The following FBXL17 variants were observed in gnomAD, a reference collection of about 807,000 sequenced individuals.
The protein encoded by FBXL17 is F-box/LRR-repeat protein 17.
A neutral mutation model predicts 66.2 loss-of-function variants in FBXL17; 22 were observed. The observed-to-expected ratio is 0.33, with a 90% CI of 0.24 to 0.47. The LOEUF is 0.47. Ranked by LOEUF, FBXL17 falls within the 20% of genes least tolerant of loss-of-function variation. FBXL17 has a pLI of 1.00. For synonymous variants in FBXL17, 474 were observed against 400.5 expected, an observed-to-expected ratio of 1.18 and a Z score of -2.19; for missense variants, 878 against 948.2, an observed-to-expected ratio of 0.93 and a Z score of 0.97.
chr5:107,890,681 A>AG (rs35492193), intron 7 of FBXL17, among the ~76,000 whole-genome samples: 20,247 of 150,172 alleles, frequency 0.13, 1,673 homozygotes, highest in African/African-American at 0.21. Flanking sequence ...AAAAAAAAAA[A>AG]TTGTCTAACC....
rs79672437 is a variant in FBXL17 at position 108,043,872 on chromosome 5, T to C, written c.1746-22871A>G. On this transcript the variant is annotated intron_variant, in intron 6 of 8. Transcript: ENST00000542267. The stretch of plus-strand genomic sequence containing the variant: ...TACATCTTTCCATTTATTTAGCTCT[T>C]TGATTTTCAAGGCTTGTATAATTTC... Among the ~76,000 whole-genome samples, 144 of 152,316 alleles carry C rather than the reference T, an allele frequency of 9.5e-4. 1 individual carries two copies. The South Asian group carries it at 0.014, about 14-fold the overall frequency.
chr5:107,919,360 G>A (rs1250531651), intron 7 of FBXL17, among the ~76,000 whole-genome samples: 1 of 152,078 alleles, frequency 6.6e-6, no homozygotes, highest in African/African-American at 2.4e-5. Context: ...CTGGATTACT[G>A]ATGGATCGCA....
intron 6 of FBXL17, among the ~76,000 whole-genome samples, chr5:108,087,608 G>A (rs1446536178): frequency 6.6e-6 from 1 of 151,722 alleles, no homozygotes; most frequent in Non-Finnish European, 1.5e-5. Flanking sequence ...CCCCAATCTC[G>A]ATCTCAGTGT....
At chr5:107,931,169 C>G (rs954623952) in intron 7 of FBXL17, among the ~76,000 whole-genome samples, 2 of 152,026 alleles carry the variant, frequency 1.3e-5, no homozygotes. Flanking sequence ...TTGGCCTCAA[C>G]TAGATTGACT....
At chr5:108,072,704 T>C (rs899373162) in intron 6 of FBXL17, among the ~76,000 whole-genome samples, 5 of 79,374 alleles carry the variant, frequency 6.3e-5, no homozygotes, top group Non-Finnish European at 1.5e-4. Flanking sequence ...TGAGACTCTG[T>C]CTCAAAAAAA....
chr5:107,885,896 T>G (rs1748951639), intron 7 of FBXL17, among the ~76,000 whole-genome samples: 1 of 152,080 alleles, frequency 6.6e-6, no homozygotes, highest in South Asian at 2.1e-4. Context: ...ATAGCTCTTT[T>G]TATATAGCTT....
At chr5:108,141,258 G>A (rs1414526804) in intron 6 of FBXL17, among the ~76,000 whole-genome samples, 1 of 152,074 alleles carries the variant, frequency 6.6e-6, no homozygotes, top group South Asian at 2.1e-4. Flanking sequence ...CTCAGGTCCG[G>A]TGTTTTTCCC....
intron 6 of FBXL17, among the ~76,000 whole-genome samples, chr5:108,169,519 A>G (rs1053943280): frequency 6.6e-6 from 1 of 152,202 alleles, no homozygotes; most frequent in Non-Finnish European, 1.5e-5. Context: ...AATTGTCGCC[A>G]TAAGAATGTT....
At chr5:108,161,194 A>ATACATACATACATACATACG (rs1561440664) in intron 6 of FBXL17, among the ~76,000 whole-genome samples, 1 of 142,348 alleles carries the variant, frequency 7.0e-6, no homozygotes, top group Admixed American at 7.1e-5. Context: ...ACATACATAC[A>ATACATACATACATACATACG]TACCCCAGCC....
intron 1 of FBXL17, among the ~76,000 whole-genome samples, chr5:108,376,784 TTC>T (rs1281438364): frequency 8.1e-6 from 1 of 124,190 alleles, no homozygotes; most frequent in Non-Finnish European, 1.6e-5. Flanking sequence ...CCAGTGTATA[TTC>T]TTTTTTTTTT....
At chr5:108,261,694 G>T (rs1034907801) in intron 4 of FBXL17, among the ~76,000 whole-genome samples, 1 of 117,484 alleles carries the variant, frequency 8.5e-6, no homozygotes, top group African/African-American at 2.6e-5. Context: ...AAATATACAG[G>T]ATAGAAGGGT....
At chr5:108,083,701 C>T (rs1469857994) in intron 6 of FBXL17, among the ~76,000 whole-genome samples, 1 of 151,998 alleles carries the variant, frequency 6.6e-6, no homozygotes, top group African/African-American at 2.4e-5. Flanking sequence ...AGCCACCATG[C>T]CTGGCAGTCT....
intron 4 of FBXL17, among the ~76,000 whole-genome samples, chr5:108,327,705 T>A (rs1466954991): frequency 6.6e-6 from 1 of 152,116 alleles, no homozygotes. Flanking sequence ...CTCAAATACA[T>A]AAAGCAACCA....
intron 6 of FBXL17, among the ~76,000 whole-genome samples, chr5:108,121,506 T>C (rs1268136484): frequency 6.6e-6 from 1 of 152,214 alleles, no homozygotes; most frequent in Non-Finnish European, 1.5e-5. Context: ...ATATAAATGT[T>C]TATTATATGG....
At chr5:108,170,961 G>A (rs1336367971) in intron 6 of FBXL17, among the ~76,000 whole-genome samples, 1 of 152,112 alleles carries the variant, frequency 6.6e-6, no homozygotes, top group African/African-American at 2.4e-5. Flanking sequence ...TTCAACAACA[G>A]AGAAGAAAAG....
At chr5:108,280,042 A>G (rs1757641805) in intron 4 of FBXL17, among the ~76,000 whole-genome samples, 1 of 152,182 alleles carries the variant, frequency 6.6e-6, no homozygotes, top group Non-Finnish European at 1.5e-5. Context: ...AAAAGTTTAG[A>G]AAACCTATTT....
chr5:108,250,379 A>C (rs113697283), intron 4 of FBXL17, among the ~76,000 whole-genome samples: 14 of 152,274 alleles, frequency 9.2e-5, no homozygotes, highest in African/African-American at 3.4e-4. Context: ...TTAGCCATTA[A>C]TGTTCTGACC....
chr5:108,011,575 G>A (rs577751716), intron 7 of FBXL17, among the ~76,000 whole-genome samples: 105 of 152,190 alleles, frequency 6.9e-4, no homozygotes, highest in Non-Finnish European at 1.2e-3. Flanking sequence ...AGGCCAAGGC[G>A]TACAGGTCAC....
chr5:108,184,742 G>A (rs1194832100), intron 6 of FBXL17, among the ~76,000 whole-genome samples: 1 of 82,518 alleles, frequency 1.2e-5, no homozygotes, highest in Non-Finnish European at 2.2e-5. Context: ...AGCAAGACTC[G>A]GTCTCAAAAA....
Sources: gnomAD v4.1 joint callset for allele counts (sites outside exome capture counted in the v4.1 genomes callset) on GRCh38, gnomAD v4.1.1 for gene constraint, MANE v1.5 for transcripts, NCBI Gene and HGNC (gene_info 2026-07-23, HGNC 2026-07-21) for gene names.